HCFC1: variants seen among roughly 807,000 people sequenced by gnomAD.
HCFC1 encodes the protein host cell factor C1.
In HCFC1, 7 loss-of-function variants were observed where a neutral mutation model predicts 105.5. That is an observed-to-expected ratio of 0.07 (90% CI 0.04 to 0.12). The LOEUF is 0.12. Among genes scored for constraint, HCFC1 ranks in the 10% least tolerant of loss-of-function variants. The pLI is 1.00. For synonymous variants in HCFC1, 918 were observed against 828.1 expected (o/e 1.11, Z -1.86); for missense variants, 1,065 against 1,823.6 (o/e 0.58, Z 7.58).
Position 153,951,723 on chromosome X carries a change from G to A in HCFC1, c.5261-16C>T. The A allele has an allele frequency of 8.4e-7, 1 of 1,194,201 alleles. No homozygotes were observed. ...GGAGCCAGGCCTAGGAAGAAAGAAG[G>A]TGTCAGCGGGAAAGACTCGGGAAAC... On this transcript the variant is annotated splice_polypyrimidine_tract_variant and intron_variant, in intron 20 of 25. Coordinates refer to ENST00000310441, the MANE Select transcript of HCFC1 (RefSeq NM_005334.3).
chrX:153,964,608 C>T lies in HCFC1; in HGVS notation c.312G>A (p.Gly104=). ...GTTCGTAGAGGTCATTGCTGTATTT[C>T]CCATACTCCACCATCCCACCAAACA... ...LLVFGGMVEY[G]KYSNDLYELQ... The change falls in exon 2 of 26, where the codon GGG becomes GGA. Residue 104 remains glycine (G), a synonymous_variant. Coordinates refer to ENST00000310441, the MANE Select transcript of HCFC1 (RefSeq NM_005334.3). The T allele has an allele frequency of 8.3e-7, 1 of 1,205,633 alleles. No individual in the cohort carries two copies. The highest frequency in any genetic ancestry group is 1.1e-6 in the Non-Finnish European group (1 of 892,577).
chrX:153,961,229 G>C (rs1557116799), intron 6 of HCFC1, among the ~76,000 whole-genome samples: 2 of 112,545 alleles, frequency 1.8e-5, no homozygotes, highest in East Asian at 2.8e-4. Flanking sequence ...AGCCCCTGCA[G>C]GGTGGACAGG....
intron 9 of HCFC1, 47 bp downstream of exon 9, chrX:153,959,284 C>T (rs1557116019): frequency 8.7e-7 from 1 of 1,154,607 alleles, no homozygotes; most frequent in Admixed American, 2.6e-5. Flanking sequence ...CAACTTAATC[C>T]ACTGGATCAA....
Position 153,949,629 on chromosome X carries a change from G to T in HCFC1, c.6005-13C>A, listed in dbSNP as rs782114334. On this transcript the variant is annotated splice_polypyrimidine_tract_variant and intron_variant, in intron 24 of 25. Transcript: ENST00000310441. ...TCTTTACTGGTTTCTGGAAGGAACG[G>T]GAGAGATGCGTGAGCAGCATTGTGA... 2.0e-5 allele frequency: 24 copies of T among 1,194,605 alleles called. No homozygotes were observed. Among genetic ancestry groups the T allele is most frequent in the Non-Finnish European group, 2.7e-5 (24 of 879,687 alleles).
chrX:153,951,992 G>A lies in HCFC1; in HGVS notation c.5109C>T (p.Ala1703=). The A allele has an allele frequency of 2.5e-6, 3 of 1,197,434 alleles. No individual in the cohort carries two copies. Among genetic ancestry groups the A allele is most frequent in the Non-Finnish European group, 3.4e-6 (3 of 888,830 alleles). Residue 1703 remains alanine, a synonymous_variant, in exon 20 of 26, where the codon GCC becomes GCT. Coordinates refer to ENST00000310441, the MANE Select transcript of HCFC1 (RefSeq NM_005334.3). ...ALVQQQQLQE[A]QAQQQHHHLP... is the part of the protein sequence containing the mutation. ...GGTGGTGATGCTGCTGCTGGGCCTGGGCCTCCTGCAGCTGCTGCTGCTGCA... is the reference window on the plus strand; with the variant it reads ...GGTGGTGATGCTGCTGCTGGGCCTGAGCCTCCTGCAGCTGCTGCTGCTGCA...
chrX:153,964,662 G>C lies in HCFC1; in HGVS notation c.258C>G (p.Gly86=). The change falls in exon 2 of 26, where the codon GGC becomes GGG. Residue 86 remains glycine, a synonymous_variant. Transcript: ENST00000310441. The part of the protein sequence containing the change: ...GDIPPGCAAY[G]FVCDGTRLLV... ...GGAGGCGAGTCCCGTCACACACGAA[G>C]CCATAGGCTGCACACCCAGGGGGAA... 8.3e-7 allele frequency: 1 copy of C among 1,202,410 alleles called. No homozygotes were observed. The highest frequency in any genetic ancestry group is 1.1e-6 in the Non-Finnish European group (1 of 890,616).
intron 10 of HCFC1, 48 bp downstream of exon 10, chrX:153,958,521 A>C: frequency 2.8e-6 from 3 of 1,075,345 alleles, no homozygotes; most frequent in Non-Finnish European, 3.8e-6. Flanking sequence ...CCCGGAGGGA[A>C]TGACTATGCT....
intron 1 of HCFC1, among the ~76,000 whole-genome samples, chrX:153,970,373 G>C (rs1208155138): frequency 1.1e-5 from 1 of 94,793 alleles, no homozygotes; most frequent in Non-Finnish European, 2.1e-5. Flanking sequence ...GAGAAGATCA[G>C]AGAAAAGCAC....
Position 153,952,689 on chromosome X carries a change from T to C in HCFC1, c.4767A>G (p.Gln1589=). 1 of 1,210,423 alleles carries C rather than the reference T, an allele frequency of 8.3e-7. No individual in the cohort carries two copies. Among genetic ancestry groups the C allele is most frequent in the Non-Finnish European group, 1.1e-6 (1 of 894,763 alleles). ...CAGCTTGGGCCTCGGCCATTAGCTC[T>C]TGGGGAAGTGATAACTGGTCTACTT... ...QSEVDQLSLP[Q]ELMAEAQAGT... is the part of the protein sequence containing the mutation. The change falls in exon 19 of 26, where the codon CAA becomes CAG. Residue 1589 remains glutamine (Q), a synonymous_variant. Coordinates refer to ENST00000310441, the MANE Select transcript of HCFC1 (RefSeq NM_005334.3).
At position 153,955,272 on chromosome X, in the gene HCFC1, G is replaced by A. The variant is rs1433017095; in HGVS notation, c.3127C>T (p.Pro1043Ser). The change falls in exon 17 of 26, where the codon CCC becomes TCC. Residue 1043 changes from proline (P) to serine (S), a missense_variant. Transcript: ENST00000310441. ...VVANLGGHPQ[P>S]TQVQFVCDRQ... ...TCACAGACGAACTGCACTTGGGTGGGCTGGGGGTGTCCCCCAAGGTTAGCC... is the reference window on the plus strand; with the variant it reads ...TCACAGACGAACTGCACTTGGGTGGACTGGGGGTGTCCCCCAAGGTTAGCC... 1 of 1,210,646 alleles carries A rather than the reference G, an allele frequency of 8.3e-7. No homozygotes were observed. Among genetic ancestry groups the A allele is most frequent in the East Asian group, 3.0e-5 (1 of 33,783 alleles).
At chrX:153,951,214 G>A in intron 22 of HCFC1, 136 bp downstream of exon 22, 1 of 741,642 alleles carries the variant, frequency 1.3e-6, no homozygotes, top group South Asian at 2.4e-5. Flanking sequence ...CAGGGGGGAT[G>A]GTCTCTGCCC....
At position 153,950,361 on chromosome X, in the gene HCFC1, C is replaced by T. The variant is rs782261914; in HGVS notation, c.5886G>A (p.Gln1962=). The change falls in exon 24 of 26, where the codon CAG becomes CAA. Residue 1962 remains glutamine, a synonymous_variant. Coordinates refer to ENST00000310441, the MANE Select transcript of HCFC1 (RefSeq NM_005334.3). ...YCGPSPSCLV[Q]SSSLSNAHID... ...TGTGGGCGTTGGAAAGGCTGGAGGA[C>T]TGCACCAGGCAGGAGGGGCTGGGCC... 8.3e-7 allele frequency: 1 copy of T among 1,211,031 alleles called. No homozygotes were observed. The highest frequency in any genetic ancestry group is 1.1e-6 in the Non-Finnish European group (1 of 895,137).
chrX:153,955,317 T>C lies in HCFC1; in HGVS notation c.3082A>G (p.Thr1028Ala), dbSNP rs782281150. The C allele has an allele frequency of 8.3e-7, 1 of 1,211,702 alleles. No homozygotes were observed. The highest frequency in any genetic ancestry group is 1.8e-5 in the South Asian group (1 of 56,994). The change falls in exon 17 of 26, where the codon ACG becomes GCG. Residue 1028 changes from threonine to alanine, a missense_variant. Physicochemically the swap from Thr to Ala is moderately conservative, Grantham distance 58. Around this residue, in one of 17 missense-constraint regions of HCFC1, gnomAD observed 546 missense variants for 599.9 expected, o/e 0.91. Coordinates refer to ENST00000310441, the MANE Select transcript of HCFC1 (RefSeq NM_005334.3). ...TTAGCCACAACAGTAGTGGTGGCCG[T>C]GTTGGTGGTGCCAGTCTCGTGGGTC... is the stretch of plus-strand genomic sequence containing the variant. ...CETHETGTTN[T>A]ATTTVVANLG...
Position 153,964,314 on chromosome X carries a change from G to A in HCFC1, c.343-30C>T, listed in dbSNP as rs1041557287. 6.1e-6 allele frequency: 7 copies of A among 1,138,307 alleles called. No individual in the cohort carries two copies. In the African/African-American group the frequency reaches 9.2e-5, roughly 15 times the overall value. 93.8% of individuals were successfully genotyped at this position (1,138,307 alleles called of 1,213,427 possible). ...AAAATCAAGACCTGGAGACTGAACC[G>A]TGGGATGAGAAGGCCACCACTAGGG... On this transcript the variant is annotated intron_variant, in intron 2 of 25. Coordinates refer to ENST00000310441, the MANE Select transcript of HCFC1 (RefSeq NM_005334.3).
In HCFC1 at chrX:153,952,002, A is replaced by AGCT. The variant is rs782149930; in HGVS notation, c.5096_5098dup (p.Gln1699dup). The AGCT allele has an allele frequency of 2.9e-5, 35 of 1,197,303 alleles. No individual in the cohort carries two copies. The highest frequency in any genetic ancestry group is 3.6e-5 in the Non-Finnish European group (32 of 888,748). The stretch of plus-strand genomic sequence containing the variant: ...CTGCTGCTGGGCCTGGGCCTCCTGC[A>AGCT]GCTGCTGCTGCTGCACCAGGGCAGC... On this transcript the variant is annotated inframe_insertion, in exon 20 of 26. Transcript: ENST00000310441.
At chrX:153,966,226 C>A (rs782477125) in intron 1 of HCFC1, among the ~76,000 whole-genome samples, 42 of 110,912 alleles carry the variant, frequency 3.8e-4, no homozygotes, top group African/African-American at 9.9e-4. Context: ...AACAAACAAA[C>A]AAAAAAAACA....
intron 14 of HCFC1, 33 bp from the exon 15 acceptor site, chrX:153,956,796 A>G: frequency 1.7e-6 from 2 of 1,208,912 alleles, no homozygotes; most frequent in South Asian, 1.8e-5. Context: ...CACCAACGTC[A>G]CCACCAGGCT....
At chrX:153,953,971 G>A (rs2065342092) in intron 17 of HCFC1, 95 bp downstream of exon 17, 4 of 1,022,277 alleles carry the variant, frequency 3.9e-6, no homozygotes, top group Non-Finnish European at 5.3e-6. Context: ...GAGCCTGACT[G>A]GTGGACTCTG....
intron 25 of HCFC1, 64 bp from the exon 26 acceptor site, chrX:153,949,450 G>A (rs879970868): frequency 1.6e-4 from 176 of 1,104,844 alleles, no homozygotes; most frequent in South Asian, 2.5e-4. Flanking sequence ...AGGCCCTGCT[G>A]GTGCAGGGCC....
Sources: gnomAD v4.1 joint callset for allele counts (sites outside exome capture counted in the v4.1 genomes callset) on GRCh38, gnomAD v4.1.1 for gene constraint, gnomAD v4.1.1 regional missense constraint, MANE v1.5 for transcripts, NCBI Gene and HGNC (gene_info 2026-07-23, HGNC 2026-07-21) for gene names.